TRAK2: variants seen among roughly 807,000 people sequenced by gnomAD.
TRAK2 encodes trafficking kinesin-binding protein 2.
TRAK2 carries 81 observed loss-of-function variants against 104.6 expected under a neutral mutation model. The ratio of observed to expected loss-of-function variants is 0.77; its 90% CI spans 0.65 to 0.93. The LOEUF (loss-of-function observed/expected upper bound fraction) is 0.93. Among genes scored for constraint, TRAK2 ranks in the 40% least tolerant of loss-of-function variants. The pLI is 0.00. For synonymous variants in TRAK2, 406 were observed against 394.4 expected (o/e 1.03, Z -0.35); for missense variants, 1,002 against 1,089.0 (o/e 0.92, Z 1.12).
intron 1 of TRAK2, among the ~76,000 whole-genome samples, chr2:201,445,667 A>T (rs2125664578): frequency 6.6e-6 from 1 of 152,342 alleles, no homozygotes; most frequent in East Asian, 1.9e-4. Flanking sequence ...GGTAGGAGAA[A>T]ATAATAATGA....
At position 201,407,606 on chromosome 2, in the gene TRAK2, G is replaced by A. The variant is rs747869435; in HGVS notation, c.92-9C>T. 4.4e-6 allele frequency: 7 copies of A among 1,606,652 alleles called. No homozygotes were observed. The highest frequency in any genetic ancestry group is 5.9e-6 in the Non-Finnish European group (7 of 1,177,144). ...CTCATTGGAGCAGACATCTAAAGAG[G>A]AGAGTCTATGTAAATGAATCCAATA... On this transcript the variant is annotated splice_polypyrimidine_tract_variant and intron_variant, in intron 2 of 15. Coordinates refer to ENST00000332624, the MANE Select transcript of TRAK2 (RefSeq NM_015049.3).
At position 201,412,944 on chromosome 2, in the gene TRAK2, A is replaced by C. The variant is rs560187238; in HGVS notation, c.92-5347T>G. On this transcript the variant is annotated intron_variant, in intron 2 of 15. Transcript: ENST00000332624. ...TACCAAGAACACTGGCTAAACTGGCAAAAAACTGGTTCTGTACACAACACC... is the reference window on the plus strand; with the variant it reads ...TACCAAGAACACTGGCTAAACTGGCCAAAAACTGGTTCTGTACACAACACC... 6.8e-5 allele frequency: 53 copies of C among 776,564 alleles called. No homozygotes were observed. The East Asian group carries it at 1.2e-3, about 17-fold the overall frequency. 48.1% of individuals were successfully genotyped at this position (776,564 alleles called of 1,614,324 possible). A position where few individuals can be genotyped will look rare whatever the true frequency, so the allele number is the denominator to read the frequency against.
Position 201,379,176 on chromosome 2 carries a change from GAGA to G in TRAK2, c.*1364_*1366del, listed in dbSNP as rs1402569638. On this transcript the variant is annotated 3_prime_UTR_variant, in exon 16 of 16. Coordinates refer to ENST00000332624, the MANE Select transcript of TRAK2 (RefSeq NM_015049.3). Reference sequence around the variant, plus strand: ...TCTAGACAAAGCCACGTCATCTGATGAGAAGCAGACTTTGCTCAGCAACATTGA... The same window carrying G: ...TCTAGACAAAGCCACGTCATCTGATGAGCAGACTTTGCTCAGCAACATTGA... The G allele has an allele frequency of 6.6e-6, 1 of 152,130 alleles. No homozygotes were observed. Among genetic ancestry groups the G allele is most frequent in the Non-Finnish European group, 1.5e-5 (1 of 68,044 alleles). 9.4% of individuals were successfully genotyped at this position (152,130 alleles called of 1,614,324 possible). A position where few individuals can be genotyped will look rare whatever the true frequency, so the allele number is the denominator to read the frequency against.
At chr2:201,414,923 A>G (rs968281737) in intron 2 of TRAK2, among the ~76,000 whole-genome samples, 17 of 150,822 alleles carry the variant, frequency 1.1e-4, no homozygotes, top group African/African-American at 3.9e-4. Flanking sequence ...ATAATTCCCT[A>G]CTTCCAAAAT....
intron 3 of TRAK2, among the ~76,000 whole-genome samples, chr2:201,401,474 G>A (rs1363515168): frequency 6.6e-6 from 1 of 151,912 alleles, no homozygotes; most frequent in Non-Finnish European, 1.5e-5. Context: ...GTTACTAAGG[G>A]GTATCAGTGA....
chr2:201,382,574 C>T (rs1951353622), intron 15 of TRAK2, among the ~76,000 whole-genome samples: 1 of 152,166 alleles, frequency 6.6e-6, no homozygotes, highest in African/African-American at 2.4e-5. Context: ...AAACTGTACA[C>T]TTCATATAAT....
intron 10 of TRAK2, among the ~76,000 whole-genome samples, chr2:201,392,052 C>A (rs1951452915): frequency 1.3e-5 from 2 of 152,026 alleles, no homozygotes; most frequent in African/African-American, 4.8e-5. Flanking sequence ...GTCCAAATGT[C>A]CTCGTTTTTA....
At chr2:201,426,997 T>C (rs1018903606) in intron 1 of TRAK2, among the ~76,000 whole-genome samples, 9 of 152,152 alleles carry the variant, frequency 5.9e-5, no homozygotes, top group African/African-American at 1.2e-4. Context: ...TTGAGTCTCA[T>C]TCCTCATTTT....
chr2:201,380,711 C>G lies in TRAK2; in HGVS notation c.2577G>C (p.Gln859His), dbSNP rs775803947. ...NPGAQENGRCQEAEIGPQKPD... is the reference protein window; with the variant it reads ...NPGAQENGRCHEAEIGPQKPD... Reference sequence around the variant, plus strand: ...GTTTTTGAGGACCAATTTCTGCCTCCTGGCATCTTCCATTCTCTTGGGCAC... The same window carrying G: ...GTTTTTGAGGACCAATTTCTGCCTCGTGGCATCTTCCATTCTCTTGGGCAC... The change falls in exon 16 of 16, where the codon CAG becomes CAC. Residue 859 changes from glutamine to histidine, a missense_variant. Coordinates refer to ENST00000332624, the MANE Select transcript of TRAK2 (RefSeq NM_015049.3). 6.2e-6 allele frequency: 10 copies of G among 1,613,950 alleles called. No individual in the cohort carries two copies. The highest frequency in any genetic ancestry group is 1.7e-5 in the Admixed American group (1 of 59,968).
chr2:201,397,370 A>G, intron 7 of TRAK2, 132 bp downstream of exon 7: 3 of 584,164 alleles, frequency 5.1e-6, no homozygotes, highest in East Asian at 5.5e-5. Flanking sequence ...TGATATTCTA[A>G]GATTTTCAGT....
chr2:201,394,573 TCAGG>T (rs1951480974), intron 9 of TRAK2, among the ~76,000 whole-genome samples: 4 of 152,270 alleles, frequency 2.6e-5, no homozygotes, highest in Non-Finnish European at 5.9e-5. Context: ...ACTCCTGACC[TCAGG>T]TGATCCACCC....
chr2:201,444,027 C>T (rs1217628926), intron 1 of TRAK2, among the ~76,000 whole-genome samples: 1 of 151,894 alleles, frequency 6.6e-6, no homozygotes, highest in Non-Finnish European at 1.5e-5. Flanking sequence ...ATGGTAAAAC[C>T]CCATCTCTAC....
intron 4 of TRAK2, among the ~76,000 whole-genome samples, chr2:201,400,373 T>C (rs760216141): frequency 1.3e-5 from 2 of 152,104 alleles, no homozygotes; most frequent in Non-Finnish European, 2.9e-5. Context: ...TTTCTCTCCA[T>C]AGGCATATGA....
intron 2 of TRAK2, chr2:201,412,141 T>C (rs773224562): frequency 4.9e-6 from 5 of 1,016,732 alleles, no homozygotes; most frequent in Admixed American, 1.7e-5. Flanking sequence ...CAACGATCAG[T>C]AGAACACTGG....
Position 201,395,370 on chromosome 2 carries a change from C to CT in TRAK2, c.843dup (p.Glu282ArgfsTer18), listed in dbSNP as rs778699361. The CT allele has an allele frequency of 6.2e-7, 1 of 1,604,942 alleles. No homozygotes were observed. The highest frequency in any genetic ancestry group is 8.5e-7 in the Non-Finnish European group (1 of 1,173,344). ...TGTGACAAAAGAGAGGAAAGCTCTT[C>CT]TTGGTATCGAATCAGCTCATCACTC... is the stretch of plus-strand genomic sequence containing the variant. On this transcript the variant is annotated frameshift_variant, in exon 8 of 16. Coordinates refer to ENST00000332624, the MANE Select transcript of TRAK2 (RefSeq NM_015049.3). LOFTEE classifies it high-confidence loss of function.
chr2:201,405,637 T>C (rs1307886797), intron 3 of TRAK2, among the ~76,000 whole-genome samples: 1 of 152,222 alleles, frequency 6.6e-6, no homozygotes, highest in African/African-American at 2.4e-5. Flanking sequence ...TGTGACGCTT[T>C]GTCAAAATAA....
chr2:201,395,245 C>T (rs759179330), intron 8 of TRAK2, 69 bp downstream of exon 8: 4 of 1,355,060 alleles, frequency 3.0e-6, no homozygotes, highest in Non-Finnish European at 4.1e-6. Flanking sequence ...TTGTATCTAG[C>T]ACTTAGCATG....
At chr2:201,393,169 C>G (rs1328905501) in intron 9 of TRAK2, 123 bp from the exon 10 acceptor site, 1 of 869,128 alleles carries the variant, frequency 1.2e-6, no homozygotes, top group Non-Finnish European at 1.7e-6. Flanking sequence ...TTATGAATAT[C>G]ATTTCAATAC....
At chr2:201,385,121 C>A (rs1951377148) in intron 14 of TRAK2, among the ~76,000 whole-genome samples, 1 of 152,158 alleles carries the variant, frequency 6.6e-6, no homozygotes, top group African/African-American at 2.4e-5. Context: ...GTATCCACCA[C>A]TGAAAGCATG....
Sources: allele counts gnomAD v4.1 joint callset (sites outside exome capture counted in the v4.1 genomes callset), GRCh38; gene constraint gnomAD v4.1.1; transcripts MANE v1.5; gene names NCBI Gene and HGNC (gene_info 2026-07-23, HGNC 2026-07-21).